PARVA: variants seen among roughly 807,000 people sequenced by gnomAD.
The protein encoded by PARVA is alpha-parvin.
Under a neutral mutation model 52.6 loss-of-function variants are expected in PARVA, and 25 were observed. The observed-to-expected ratio is 0.48, with a 90% CI of 0.35 to 0.66. The LOEUF (loss-of-function observed/expected upper bound fraction) is 0.66. Among genes scored for constraint, PARVA ranks in the 30% least tolerant of loss-of-function variants. The probability of loss-of-function intolerance (pLI) is 0.01; values close to 1 mark genes in which losing one functional copy is unlikely to be tolerated. For missense variants in PARVA, 373 were observed against 450.9 expected, an observed-to-expected ratio of 0.83 and a Z score of 1.56; for synonymous variants, 185 against 179.1, an observed-to-expected ratio of 1.03 and a Z score of -0.26.
intron 1 of PARVA, among the ~76,000 whole-genome samples, chr11:12,419,371 T>G (rs1440224223): frequency 2.0e-5 from 3 of 152,000 alleles, no homozygotes; most frequent in African/African-American, 7.3e-5. Flanking sequence ...TCGTATGATA[T>G]TTGCCTTTTT....
intron 1 of PARVA, among the ~76,000 whole-genome samples, chr11:12,424,866 T>A (rs1394014430): frequency 2.0e-5 from 3 of 152,266 alleles, no homozygotes; most frequent in Non-Finnish European, 2.9e-5. Context: ...TGAACTACCC[T>A]AATCATTTCC....
intron 1 of PARVA, among the ~76,000 whole-genome samples, chr11:12,426,485 G>A (rs1342993022): frequency 1.3e-5 from 2 of 152,134 alleles, no homozygotes; most frequent in African/African-American, 4.8e-5. Context: ...TGGGTTTTAA[G>A]CAGTTTGATA....
intron 1 of PARVA, among the ~76,000 whole-genome samples, chr11:12,441,565 A>G (rs1286730289): frequency 2.0e-5 from 3 of 152,282 alleles, no homozygotes; most frequent in South Asian, 2.1e-4. Flanking sequence ...TTATGTATGT[A>G]TATTTTTGTC....
intron 1 of PARVA, among the ~76,000 whole-genome samples, chr11:12,378,161 C>T (rs1172128531): frequency 1.3e-5 from 2 of 152,072 alleles, no homozygotes; most frequent in East Asian, 3.9e-4. Context: ...CCTGCCCCGC[C>T]CTCTGCGCCC....
chr11:12,501,388 G>A (rs1941362141), intron 5 of PARVA, among the ~76,000 whole-genome samples: 2 of 151,952 alleles, frequency 1.3e-5, no homozygotes, highest in Admixed American at 6.6e-5. Context: ...TATTCATTAT[G>A]TGTATATACC....
intron 1 of PARVA, among the ~76,000 whole-genome samples, chr11:12,450,299 G>C (rs1430814348): frequency 6.6e-6 from 1 of 152,188 alleles, no homozygotes; most frequent in Non-Finnish European, 1.5e-5. Flanking sequence ...CAGATATGCA[G>C]AAACTAGGAC....
chr11:12,486,531 CTCAAAAATAAAA>C (rs1465189714), intron 4 of PARVA, among the ~76,000 whole-genome samples: 8 of 151,394 alleles, frequency 5.3e-5, no homozygotes, highest in African/African-American at 2.4e-5. Flanking sequence ...GAAACTCTGT[CTCAAAAATAAAA>C]ATAAAAATAA....
chr11:12,420,168 G>A (rs934357237), intron 1 of PARVA, among the ~76,000 whole-genome samples: 32 of 152,122 alleles, frequency 2.1e-4, no homozygotes, highest in Non-Finnish European at 2.6e-4. Flanking sequence ...GAAAAAAAGG[G>A]TTAGTTCTGG....
chr11:12,453,056 G>A, intron 1 of PARVA: 2 of 456,246 alleles, frequency 4.4e-6, no homozygotes, highest in South Asian at 3.1e-5. Context: ...GGACAAAGTT[G>A]AACGTGCTGT....
chr11:12,435,694 G>T (rs1940377937), intron 1 of PARVA, among the ~76,000 whole-genome samples: 1 of 152,164 alleles, frequency 6.6e-6, no homozygotes, highest in African/African-American at 2.4e-5. Context: ...ACAGTGTAGG[G>T]TTTGGAGTTA....
chr11:12,462,215 C>G (rs1212962334), intron 1 of PARVA, among the ~76,000 whole-genome samples: 1 of 152,156 alleles, frequency 6.6e-6, no homozygotes, highest in East Asian at 1.9e-4. Flanking sequence ...CATCCATGCC[C>G]TAATCCCTAG....
At chr11:12,454,167 C>A (rs528738299) in intron 1 of PARVA, among the ~76,000 whole-genome samples, 1 of 152,018 alleles carries the variant, frequency 6.6e-6, no homozygotes, top group Non-Finnish European at 1.5e-5. Flanking sequence ...AGGAAGTGGG[C>A]GGAGCAGATA....
intron 11 of PARVA, 79 bp downstream of exon 11, chr11:12,517,790 C>A: frequency 9.9e-7 from 1 of 1,012,474 alleles, no homozygotes; most frequent in African/African-American, 1.6e-5. Flanking sequence ...CTGGGGCTAT[C>A]CAGAAAAAAG....
chr11:12,489,521 C>G (rs1941204443), intron 4 of PARVA, among the ~76,000 whole-genome samples: 1 of 152,050 alleles, frequency 6.6e-6, no homozygotes, highest in Non-Finnish European at 1.5e-5. Context: ...ACATACATAG[C>G]TAACTGGAAT....
chr11:12,451,832 G>A (rs1305675176), intron 1 of PARVA, among the ~76,000 whole-genome samples: 3 of 152,164 alleles, frequency 2.0e-5, no homozygotes, highest in African/African-American at 7.2e-5. Flanking sequence ...TGCATACTCT[G>A]TACCTTTTAG....
intron 6 of PARVA, among the ~76,000 whole-genome samples, chr11:12,507,369 G>A (rs932493864): frequency 6.6e-6 from 1 of 152,168 alleles, no homozygotes; most frequent in African/African-American, 2.4e-5. Flanking sequence ...GTAGTAGAAT[G>A]AATCTCCCTC....
chr11:12,377,683 C>A lies in PARVA; in HGVS notation c.36C>A (p.Pro12=). Residue 12 remains proline, a synonymous_variant, in exon 1 of 13, where the codon CCC becomes CCA. Transcript: ENST00000334956. ...ATSPQKSPSV[P]KSPTPKSPPS... ...CCCCGCAGAAGTCGCCTTCTGTCCC[C>A]AAGTCTCCCACTCCCAAGTCGCCCC... The A allele has an allele frequency of 6.4e-7, 1 of 1,569,144 alleles. No individual in the cohort carries two copies. Among genetic ancestry groups the A allele is most frequent in the Admixed American group, 1.9e-5 (1 of 52,508 alleles).
intron 4 of PARVA, among the ~76,000 whole-genome samples, chr11:12,481,701 A>G (rs1941088674): frequency 6.6e-6 from 1 of 152,190 alleles, no homozygotes; most frequent in Non-Finnish European, 1.5e-5. Flanking sequence ...CCAGAAATCC[A>G]GCTTCTAATC....
chr11:12,521,947 T>A (rs1440937338), intron 12 of PARVA, among the ~76,000 whole-genome samples: 2 of 152,206 alleles, frequency 1.3e-5, no homozygotes, highest in Non-Finnish European at 2.9e-5. Flanking sequence ...AATGCAGCTG[T>A]GCTGACACCG....
Sources: gnomAD v4.1 joint callset for allele counts (sites outside exome capture counted in the v4.1 genomes callset) on GRCh38, gnomAD v4.1.1 for gene constraint, MANE v1.5 for transcripts, NCBI Gene and HGNC (gene_info 2026-07-23, HGNC 2026-07-21) for gene names.